The following SNTG2 variants were observed in gnomAD, a reference collection of about 807,000 sequenced individuals.
SNTG2 encodes gamma-2-syntrophin.
In SNTG2, 74 loss-of-function variants were observed where a neutral mutation model predicts 70.9. The ratio of observed to expected loss-of-function variants is 1.04; its 90% CI spans 0.86 to 1.27. The LOEUF (loss-of-function observed/expected upper bound fraction) is 1.27. Ranked by LOEUF, SNTG2 falls within the 50% of genes most tolerant of loss-of-function variation. The probability of loss-of-function intolerance (pLI) is 0.00; values close to 1 mark genes in which losing one functional copy is unlikely to be tolerated. For synonymous variants in SNTG2, 278 were observed against 273.8 expected (o/e 1.02, Z -0.15); for missense variants, 717 against 690.7 (o/e 1.04, Z -0.43).
intron 14 of SNTG2, among the ~76,000 whole-genome samples, chr2:1,299,647 G>C (rs566477823): frequency 6.6e-6 from 1 of 152,212 alleles, no homozygotes; most frequent in Non-Finnish European, 1.5e-5. Context: ...GACTTTCGGA[G>C]GGACACAAGT....
intron 4 of SNTG2, among the ~76,000 whole-genome samples, chr2:1,115,073 AGTGG>A (rs1228007173): frequency 1.3e-5 from 2 of 151,936 alleles, no homozygotes; most frequent in East Asian, 3.9e-4. Context: ...GTGTGTACTA[AGTGG>A]GGTTTAACCC....
intron 2 of SNTG2, among the ~76,000 whole-genome samples, chr2:1,093,127 C>A (rs868630779): frequency 6.6e-6 from 1 of 152,090 alleles, no homozygotes; most frequent in African/African-American, 2.4e-5. Context: ...TATGGGGGAA[C>A]GCATGGAATA....
intron 1 of SNTG2, among the ~76,000 whole-genome samples, chr2:1,069,806 T>TACAAA (rs961801326): frequency 6.1e-4 from 93 of 151,626 alleles, no homozygotes; most frequent in African/African-American, 2.0e-3. Flanking sequence ...AATAAATAAA[T>TACAAA]ACAAAACAAA....
chr2:1,178,722 T>G (rs1288935744), intron 8 of SNTG2, among the ~76,000 whole-genome samples: 2 of 151,788 alleles, frequency 1.3e-5, no homozygotes, highest in African/African-American at 2.4e-5. Flanking sequence ...TTATTGAGGA[T>G]TTTTGCATCA....
chr2:1,111,083 C>T lies in SNTG2; in HGVS notation c.325+12673C>T, dbSNP rs371615657. Among the ~76,000 whole-genome samples, 15 of 152,270 alleles carry T rather than the reference C, an allele frequency of 9.9e-5. No homozygotes were observed. The South Asian group carries it at 2.7e-3, about 27-fold the overall frequency. ...ATGAAGGGAGTCCCATTTTCCAATCCCCAGATCTAGACAGAGGTACAGCAG... is the reference window on the plus strand; with the variant it reads ...ATGAAGGGAGTCCCATTTTCCAATCTCCAGATCTAGACAGAGGTACAGCAG... On this transcript the variant is annotated intron_variant, in intron 4 of 16. Coordinates refer to ENST00000308624, the MANE Select transcript of SNTG2 (RefSeq NM_018968.4).
chr2:1,112,989 A>C (rs56003077), intron 4 of SNTG2, among the ~76,000 whole-genome samples: 1 of 144,252 alleles, frequency 6.9e-6, no homozygotes, highest in African/African-American at 2.6e-5. Flanking sequence ...GTGAGGTTAA[A>C]CCTTGCAGTC....
At chr2:993,435 A>G (rs1661570832) in intron 1 of SNTG2, among the ~76,000 whole-genome samples, 1 of 152,078 alleles carries the variant, frequency 6.6e-6, no homozygotes, top group African/African-American at 2.4e-5. Flanking sequence ...TTGTTCCACT[A>G]TTTGACTAAT....
chr2:1,240,454 T>TA (rs1159719338), intron 11 of SNTG2, among the ~76,000 whole-genome samples: 1 of 152,262 alleles, frequency 6.6e-6, no homozygotes, highest in Non-Finnish European at 1.5e-5. Flanking sequence ...GTTTCCTTTA[T>TA]AATAAACTTA....
At chr2:1,254,231 C>G (rs1677919683) in intron 12 of SNTG2, among the ~76,000 whole-genome samples, 1 of 152,166 alleles carries the variant, frequency 6.6e-6, no homozygotes, top group African/African-American at 2.4e-5. Flanking sequence ...AGGGCCCGGC[C>G]CACCCTGGTG....
chr2:1,267,221 A>G (rs1678787734), intron 13 of SNTG2, 144 bp from the exon 14 acceptor site: 4 of 681,036 alleles, frequency 5.9e-6, no homozygotes, highest in Admixed American at 2.6e-5. Flanking sequence ...GAGAGGGCTC[A>G]TTGCTCTGAA....
chr2:968,188 A>G (rs994757440), intron 1 of SNTG2, among the ~76,000 whole-genome samples: 5 of 152,060 alleles, frequency 3.3e-5, no homozygotes, highest in African/African-American at 1.2e-4. Flanking sequence ...GGGCTTATTC[A>G]CATTATTCAT....
At chr2:1,130,311 A>G (rs2148311134) in intron 4 of SNTG2, among the ~76,000 whole-genome samples, 1 of 152,346 alleles carries the variant, frequency 6.6e-6, no homozygotes, top group African/African-American at 2.4e-5. Flanking sequence ...GAATAAACTC[A>G]CAGTTTAAAA....
chr2:1,332,619 A>G (rs1458805060), intron 16 of SNTG2, among the ~76,000 whole-genome samples: 2 of 152,232 alleles, frequency 1.3e-5, no homozygotes, highest in Admixed American at 6.5e-5. Context: ...CCATAATCAA[A>G]TGGGTTTCAT....
At chr2:1,217,306 A>C (rs1674457796) in intron 9 of SNTG2, among the ~76,000 whole-genome samples, 1 of 152,218 alleles carries the variant, frequency 6.6e-6, no homozygotes, top group Admixed American at 6.5e-5. Context: ...TGTCAGATCA[A>C]GCTTATACTC....
chr2:1,032,557 GAT>G (rs1238867868), intron 1 of SNTG2, among the ~76,000 whole-genome samples: 1 of 152,176 alleles, frequency 6.6e-6, no homozygotes, highest in African/African-American at 2.4e-5. Context: ...ATAATGATAA[GAT>G]ATCCTTTATG....
intron 1 of SNTG2, among the ~76,000 whole-genome samples, chr2:1,055,957 G>T (rs1180502120): frequency 6.6e-6 from 1 of 152,136 alleles, no homozygotes; most frequent in Non-Finnish European, 1.5e-5. Flanking sequence ...GTATTTCCTG[G>T]AGGGTCTGAT....
chr2:1,150,930 A>G (rs546667890), intron 6 of SNTG2, among the ~76,000 whole-genome samples: 1 of 152,138 alleles, frequency 6.6e-6, no homozygotes, highest in African/African-American at 2.4e-5. Flanking sequence ...CCGAGCTCCA[A>G]CCCCACAGAG....
intron 9 of SNTG2, among the ~76,000 whole-genome samples, chr2:1,231,330 G>A (rs943076778): frequency 6.6e-6 from 1 of 152,176 alleles, no homozygotes; most frequent in African/African-American, 2.4e-5. Context: ...GGGTCACTGC[G>A]GGGGTGAAAT....
At chr2:1,260,030 G>A (rs1678336879) in intron 13 of SNTG2, among the ~76,000 whole-genome samples, 1 of 152,224 alleles carries the variant, frequency 6.6e-6, no homozygotes, top group East Asian at 1.9e-4. Context: ...GTCCTAGTAT[G>A]TGACTCAGTG....
Sources: gnomAD v4.1 joint callset for allele counts (sites outside exome capture counted in the v4.1 genomes callset) on GRCh38, gnomAD v4.1.1 for gene constraint, MANE v1.5 for transcripts, NCBI Gene and HGNC (gene_info 2026-07-23, HGNC 2026-07-21) for gene names.